Variants in PRDM16 observed in about 807,000 individuals in gnomAD.
PRDM16 encodes histone-lysine N-methyltransferase PRDM16.
PRDM16 carries 23 observed loss-of-function variants against 110.6 expected under a neutral mutation model. The observed-to-expected ratio is 0.21, with a 90% CI of 0.15 to 0.29. The LOEUF (loss-of-function observed/expected upper bound fraction) is 0.29, where lower values mean the gene tolerates loss of function less well. Among genes scored for constraint, PRDM16 ranks in the 10% least tolerant of loss-of-function variants. The probability of loss-of-function intolerance (pLI) is 1.00; values close to 1 mark genes in which losing one functional copy is unlikely to be tolerated. For synonymous variants in PRDM16, 799 were observed against 781.8 expected, an observed-to-expected ratio of 1.02 and a Z score of -0.37; for missense variants, 1,615 against 1,794.3, an observed-to-expected ratio of 0.90 and a Z score of 1.81.
At chr1:3,432,518 G>T (rs1381532476) in intron 16 of PRDM16, among the ~76,000 whole-genome samples, 1 of 152,228 alleles carries the variant, frequency 6.6e-6, no homozygotes, top group African/African-American at 2.4e-5. Context: ...TTTCCCGGGG[G>T]AAGAGCTGTC....
chr1:3,405,484 C>T lies in PRDM16; in HGVS notation c.1033-11C>T, dbSNP rs747712501. ...AGGCAGGGCACGCGCCAACGGCATC[C>T]GTCTCCCCAGGTGTTCACGGACCCC... On this transcript the variant is annotated splice_polypyrimidine_tract_variant and intron_variant, in intron 7 of 16. Transcript: ENST00000270722. The T allele has an allele frequency of 1.8e-5, 28 of 1,556,330 alleles. No individual in the cohort carries two copies. In the African/African-American group the frequency reaches 2.5e-4, roughly 14 times the overall value.
chr1:3,121,049 C>T (rs876740), intron 1 of PRDM16, among the ~76,000 whole-genome samples: 80,744 of 152,150 alleles, frequency 0.53, 24,072 homozygotes, highest in African/African-American at 0.82. Flanking sequence ...TGGTTTCTCC[C>T]CCTTTCTTTC....
At position 3,245,234 on chromosome 1, in the gene PRDM16, G is replaced by A. The variant is rs1639765881; in HGVS notation, c.438+1097G>A. On this transcript the variant is annotated intron_variant, in intron 3 of 16. Transcript: ENST00000270722. This position sits in a 1 kb window ranked among gnomAD's most constrained non-coding sequence, Gnocchi z 4.7. ...AGCCTTGTGGTTAGGAAGCTGAGCT[G>A]AGTGTTCAAGTCATCAATACTCCAT... 6.6e-6 allele frequency among the ~76,000 whole-genome samples: 1 copy of A among 152,182 alleles called. No individual in the cohort carries two copies. Among genetic ancestry groups the A allele is most frequent in the Non-Finnish European group, 1.5e-5 (1 of 68,048 alleles).
At chr1:3,160,446 G>A (rs1178246370) in intron 1 of PRDM16, among the ~76,000 whole-genome samples, 1 of 152,182 alleles carries the variant, frequency 6.6e-6, no homozygotes, top group African/African-American at 2.4e-5. Flanking sequence ...ATTCCTGGGT[G>A]CCACCGTGAC....
intron 1 of PRDM16, among the ~76,000 whole-genome samples, chr1:3,170,749 T>C (rs1644016287): frequency 6.6e-6 from 1 of 152,080 alleles, no homozygotes; most frequent in Admixed American, 6.5e-5. Flanking sequence ...AAAGCTGTCC[T>C]GGCCGCTCCC....
intron 2 of PRDM16, among the ~76,000 whole-genome samples, chr1:3,195,587 C>T (rs1168136533): frequency 6.0e-5 from 9 of 148,948 alleles, no homozygotes; most frequent in South Asian, 2.2e-4. Context: ...CCACACGCCC[C>T]GCCCCCCCTG....
chr1:3,245,777 G>A lies in PRDM16; in HGVS notation c.438+1640G>A, dbSNP rs1388109113. Among the ~76,000 whole-genome samples the A allele has an allele frequency of 3.3e-5, 5 of 152,150 alleles. No homozygotes were observed. The highest frequency in any genetic ancestry group is 4.1e-4 in the South Asian group (2 of 4,828). On this transcript the variant is annotated intron_variant, in intron 3 of 16. Transcript: ENST00000270722. This position sits in a 1 kb window ranked among gnomAD's most constrained non-coding sequence, Gnocchi z 4.7. ...AGAGGAGCAGGAAACAGTTAGCAGC[G>A]CTGCTGTATTTCCGAGAACTGCAGT...
chr1:3,274,179 A>G (rs1640530713), intron 3 of PRDM16, among the ~76,000 whole-genome samples: 1 of 152,198 alleles, frequency 6.6e-6, no homozygotes, highest in African/African-American at 2.4e-5. Flanking sequence ...CATGATGGCT[A>G]TCCTTGCTTG....
At chr1:3,269,275 G>A (rs2500309) in intron 3 of PRDM16, among the ~76,000 whole-genome samples, 31,578 of 152,128 alleles carry the variant, frequency 0.21, 4,236 homozygotes, top group African/African-American at 0.35. Flanking sequence ...GAGGACAGTC[G>A]GGGAGAAGCG....
chr1:3,106,483 T>G (rs981543196), intron 1 of PRDM16, among the ~76,000 whole-genome samples: 1 of 152,072 alleles, frequency 6.6e-6, no homozygotes, highest in African/African-American at 2.4e-5. Context: ...TTTGCCTGGC[T>G]CACACACAGC....
chr1:3,387,006 T>A (rs1002624528), intron 4 of PRDM16: 10 of 148,298 alleles, frequency 6.7e-5, no homozygotes, highest in African/African-American at 2.5e-4. Context: ...TTTAAAAAAA[T>A]CTTCATTGTA....
At chr1:3,074,744 T>G (rs1203540669) in intron 1 of PRDM16, among the ~76,000 whole-genome samples, 3 of 152,160 alleles carry the variant, frequency 2.0e-5, no homozygotes, top group Non-Finnish European at 2.9e-5. Context: ...CCGGGAGGTG[T>G]AGGACCTGCC....
intron 3 of PRDM16, among the ~76,000 whole-genome samples, chr1:3,315,503 A>G (rs1557601982): frequency 6.6e-6 from 1 of 152,242 alleles, no homozygotes; most frequent in Non-Finnish European, 1.5e-5. Flanking sequence ...TAAGCCATCA[A>G]TAAGAACCAT....
intron 3 of PRDM16, among the ~76,000 whole-genome samples, chr1:3,289,172 G>A (rs1640919146): frequency 6.6e-6 from 1 of 152,204 alleles, no homozygotes. Flanking sequence ...CTGCGTGGAG[G>A]GAGACCCACC....
chr1:3,362,845 G>A (rs923579860), intron 3 of PRDM16, among the ~76,000 whole-genome samples: 2 of 152,150 alleles, frequency 1.3e-5, no homozygotes, highest in African/African-American at 2.4e-5. Flanking sequence ...AGGGAGTGTC[G>A]GGGAGCCAGG....
intron 3 of PRDM16, among the ~76,000 whole-genome samples, chr1:3,323,203 A>G (rs1641802124): frequency 6.6e-6 from 1 of 152,122 alleles, no homozygotes; most frequent in Non-Finnish European, 1.5e-5. Flanking sequence ...GATCCACCCC[A>G]CCCGTACCCT....
rs541060286 is a variant in PRDM16 at position 3,083,604 on chromosome 1, C to T, written c.37+14308C>T. ...ACACAGCGCCTGCTGTCAGGGGAGG[C>T]GGGTGTCAGCTTCATGCTGGGTGGG... On this transcript the variant is annotated intron_variant, in intron 1 of 16. Coordinates refer to ENST00000270722, the MANE Select transcript of PRDM16 (RefSeq NM_022114.4). Among the ~76,000 whole-genome samples, 983 of 101,108 alleles carry T rather than the reference C, an allele frequency of 9.7e-3. 4 individuals carry two copies. The highest frequency in any genetic ancestry group is 0.018 in the Middle Eastern group (4 of 224). 66.3% of individuals were successfully genotyped at this position (101,108 alleles called of 152,430 possible). A position where few individuals can be genotyped will look rare whatever the true frequency, so the allele number is the denominator to read the frequency against.
At chr1:3,137,391 T>TGA (rs568658530) in intron 1 of PRDM16, among the ~76,000 whole-genome samples, 1 of 152,138 alleles carries the variant, frequency 6.6e-6, no homozygotes, top group African/African-American at 2.4e-5. Context: ...TCATCATGTG[T>TGA]GAGAGAGAGA....
rs372910329 is a variant in PRDM16 at position 3,411,865 on chromosome 1, G to A, written c.1668G>A (p.Leu556=). 419 of 1,612,088 alleles carry A rather than the reference G, an allele frequency of 2.6e-4. No homozygotes were observed. Among genetic ancestry groups the A allele is most frequent in the Middle Eastern group, 3.3e-4 (2 of 6,074 alleles). ...KLPSPLGNPA[L]PLVSAVSNSS... is the part of the protein sequence containing the mutation. ...CCAGTCCCCTGGGGAACCCAGCCCTGCCCCTGGTCTCCGCCGTCAGCAACA... is the reference window on the plus strand; with the variant it reads ...CCAGTCCCCTGGGGAACCCAGCCCTACCCCTGGTCTCCGCCGTCAGCAACA... Residue 556 remains leucine, a synonymous_variant, in exon 9 of 17, where the codon CTG becomes CTA. Transcript: ENST00000270722.
Sources: gnomAD v4.1 joint callset for allele counts (sites outside exome capture counted in the v4.1 genomes callset) on GRCh38, gnomAD v4.1.1 for gene constraint, Gnocchi (gnomAD v3.1) non-coding constraint, MANE v1.5 for transcripts, NCBI Gene and HGNC (gene_info 2026-07-23, HGNC 2026-07-21) for gene names.